The following KCND2 variants were observed in gnomAD, a reference collection of about 807,000 sequenced individuals.
KCND2 encodes the protein A-type voltage-gated potassium channel KCND2.
In KCND2, 16 loss-of-function variants were observed where a neutral mutation model predicts 54.4. The observed-to-expected ratio is 0.29, with a 90% CI of 0.20 to 0.45. KCND2 has a LOEUF of 0.45. Among genes scored for constraint, KCND2 ranks in the 20% least tolerant of loss-of-function variants. The probability of loss-of-function intolerance (pLI) is 1.00; values close to 1 mark genes in which losing one functional copy is unlikely to be tolerated. For synonymous variants in KCND2, 317 were observed against 310.7 expected (o/e 1.02, Z -0.21); for missense variants, 486 against 824.2 (o/e 0.59, Z 5.02).
At chr7:120,454,231 A>G (rs1802161770) in intron 1 of KCND2, among the ~76,000 whole-genome samples, 1 of 152,194 alleles carries the variant, frequency 6.6e-6, no homozygotes. Context: ...AAGGAAATTG[A>G]GACATAAAAA....
intron 1 of KCND2, among the ~76,000 whole-genome samples, chr7:120,309,375 A>G (rs1799694455): frequency 6.6e-6 from 1 of 150,996 alleles, no homozygotes. Context: ...GTGTGACTGG[A>G]TGTATCTCTA....
chr7:120,458,451 A>G (rs747865587), intron 1 of KCND2, among the ~76,000 whole-genome samples: 3 of 152,198 alleles, frequency 2.0e-5, no homozygotes, highest in Admixed American at 6.5e-5. Flanking sequence ...ATAGATAAAA[A>G]TGTTTACCAA....
intron 1 of KCND2, among the ~76,000 whole-genome samples, chr7:120,534,426 A>G (rs1460537766): frequency 6.6e-6 from 1 of 152,098 alleles, no homozygotes; most frequent in African/African-American, 2.4e-5. Context: ...TTCTAAAACC[A>G]CCAAATGAGT....
At chr7:120,473,182 G>A (rs770082933) in intron 1 of KCND2, among the ~76,000 whole-genome samples, 17 of 152,118 alleles carry the variant, frequency 1.1e-4, no homozygotes, top group Non-Finnish European at 2.1e-4. Context: ...GAGAGACGAG[G>A]GTGGAGCTTG....
In KCND2 at chr7:120,599,665, G is replaced by T. The variant is rs577199474; in HGVS notation, c.1116-133238G>T. 1.4e-4 allele frequency among the ~76,000 whole-genome samples: 21 copies of T among 152,032 alleles called. No individual in the cohort carries two copies. The East Asian group carries it at 3.5e-3, about 25-fold the overall frequency. On this transcript the variant is annotated intron_variant, in intron 1 of 5. Coordinates refer to ENST00000331113, the MANE Select transcript of KCND2 (RefSeq NM_012281.3). ...AAATAAAATTAATAATTTTCATTGT[G>T]CTACCTTGTTAAACTCATTAGTTCT...
intron 1 of KCND2, among the ~76,000 whole-genome samples, chr7:120,555,625 A>G (rs981439062): frequency 6.6e-5 from 10 of 152,222 alleles, no homozygotes; most frequent in African/African-American, 2.4e-4. Context: ...TTAAAATCTG[A>G]GTGTAAAAGC....
chr7:120,578,289 A>G (rs1044499707), intron 1 of KCND2, among the ~76,000 whole-genome samples: 2 of 152,092 alleles, frequency 1.3e-5, no homozygotes, highest in Admixed American at 1.3e-4. Flanking sequence ...CCCTGTTTCA[A>G]GAAAAAAATA....
intron 1 of KCND2, among the ~76,000 whole-genome samples, chr7:120,414,039 T>C (rs1329307752): frequency 6.6e-6 from 1 of 151,972 alleles, no homozygotes; most frequent in Admixed American, 6.6e-5. Context: ...ATGATGAGGT[T>C]CTAAGTCTCT....
At chr7:120,526,788 G>A (rs1488750639) in intron 1 of KCND2, among the ~76,000 whole-genome samples, 1 of 151,994 alleles carries the variant, frequency 6.6e-6, no homozygotes, top group African/African-American at 2.4e-5. Flanking sequence ...ACTGGACACA[G>A]TTCTATTTTT....
intron 1 of KCND2, among the ~76,000 whole-genome samples, chr7:120,311,018 T>C (rs1799728902): frequency 6.6e-6 from 1 of 152,136 alleles, no homozygotes; most frequent in East Asian, 1.9e-4. Context: ...TACATGTATG[T>C]ATGTATATAC....
intron 1 of KCND2, among the ~76,000 whole-genome samples, chr7:120,484,702 C>CAA (rs1802667564): frequency 1.5e-5 from 1 of 67,056 alleles, no homozygotes; most frequent in African/African-American, 1.8e-4. Context: ...ATATTACACG[C>CAA]ACACACACAC....
At chr7:120,364,898 AT>A (rs1461185405) in intron 1 of KCND2, among the ~76,000 whole-genome samples, 1 of 152,102 alleles carries the variant, frequency 6.6e-6, no homozygotes, top group Non-Finnish European at 1.5e-5. Context: ...CTAGGAGAAA[AT>A]TCAGAAGCCT....
intron 1 of KCND2, among the ~76,000 whole-genome samples, chr7:120,366,379 T>C (rs1584749045): frequency 6.6e-6 from 1 of 150,766 alleles, no homozygotes. Context: ...CAGCTGCTAC[T>C]TGGGAGGCTG....
At chr7:120,712,503 C>A (rs2116072268) in intron 1 of KCND2, among the ~76,000 whole-genome samples, 1 of 151,658 alleles carries the variant, frequency 6.6e-6, no homozygotes, top group South Asian at 2.1e-4. Flanking sequence ...TCAGGTGATC[C>A]ACCTGCCTTG....
intron 1 of KCND2, among the ~76,000 whole-genome samples, chr7:120,669,499 G>A (rs1791966197): frequency 6.6e-6 from 1 of 152,014 alleles, no homozygotes; most frequent in South Asian, 2.1e-4. Context: ...TATAAATATA[G>A]CTATTTAACT....
chr7:120,485,841 G>A (rs1298196754), intron 1 of KCND2, among the ~76,000 whole-genome samples: 1 of 152,124 alleles, frequency 6.6e-6, no homozygotes, highest in Non-Finnish European at 1.5e-5. Context: ...AGCTACATGA[G>A]AGAAGGGACC....
chr7:120,718,634 A>T lies in KCND2; in HGVS notation c.1116-14269A>T, dbSNP rs934439422. Among the ~76,000 whole-genome samples the T allele has an allele frequency of 5.3e-5, 8 of 152,136 alleles. No homozygotes were observed. The South Asian group carries it at 1.4e-3, about 28-fold the overall frequency. On this transcript the variant is annotated intron_variant, in intron 1 of 5. Transcript: ENST00000331113. ...CAGTTTGCTTGCCTTTTACCAAAAG[A>T]GTGCTCTAAATGGGCATATTAGGAA...
intron 1 of KCND2, among the ~76,000 whole-genome samples, chr7:120,353,991 G>A (rs1800453333): frequency 6.6e-6 from 1 of 152,110 alleles, no homozygotes; most frequent in African/African-American, 2.4e-5. Context: ...TGAGATTTTA[G>A]TATCTTAATA....
At chr7:120,423,762 T>C (rs937256036) in intron 1 of KCND2, among the ~76,000 whole-genome samples, 6 of 152,242 alleles carry the variant, frequency 3.9e-5, no homozygotes, top group African/African-American at 1.4e-4. Flanking sequence ...TTTATTGCCT[T>C]GTTTACTAAC....
Sources: allele counts gnomAD v4.1 joint callset (sites outside exome capture counted in the v4.1 genomes callset), GRCh38; gene constraint gnomAD v4.1.1; transcripts MANE v1.5; gene names NCBI Gene and HGNC (gene_info 2026-07-23, HGNC 2026-07-21).